SNX15: variants seen among roughly 807,000 people sequenced by gnomAD.
The protein encoded by SNX15 is sorting nexin 15.
A neutral mutation model predicts 35.2 loss-of-function variants in SNX15; 29 were observed. The observed-to-expected ratio is 0.82, with a 90% CI of 0.61 to 1.12. The LOEUF (loss-of-function observed/expected upper bound fraction) is 1.12, where lower values mean the gene tolerates loss of function less well. Ranked by LOEUF, SNX15 falls within the 50% of genes most tolerant of loss-of-function variation. The pLI, the probability that SNX15 is intolerant of heterozygous loss-of-function variation, is 0.00. For missense variants in SNX15, 400 were observed against 451.5 expected, an observed-to-expected ratio of 0.89 and a Z score of 1.03; for synonymous variants, 189 against 188.2, an observed-to-expected ratio of 1.00 and a Z score of -0.03.
intron 6 of SNX15, chr11:65,037,744 G>C (rs149582074): frequency 6.6e-6 from 1 of 152,320 alleles, no homozygotes; most frequent in Non-Finnish European, 1.5e-5. Context: ...CGAGTGTGCA[G>C]GTGTCCCAGG....
At chr11:65,036,075 C>T (rs1178535972) in intron 6 of SNX15, 2 of 161,172 alleles carry the variant, frequency 1.2e-5, no homozygotes, top group African/African-American at 4.8e-5. Context: ...GGAGTGAGTT[C>T]TCAGCTCAAA....
rs554337747 is a variant in SNX15, at chr11:65,036,141, T to G, written c.664+478T>G. 36 of 153,778 alleles carry G rather than the reference T, an allele frequency of 2.3e-4. No homozygotes were observed. In the South Asian group the frequency reaches 7.4e-3, roughly 32 times the overall value. The allele number at this position is 153,778 out of a possible 1,614,324, so 9.5% of individuals were successfully genotyped here. The stretch of plus-strand genomic sequence containing the variant: ...GCCTGGAGCCACTGGCATTTGGGGA[T>G]GCTGGAGGTAGAAGGGCCCCCCCAA... On this transcript the variant is annotated intron_variant, in intron 6 of 7. Coordinates refer to ENST00000377244, the MANE Select transcript of SNX15 (RefSeq NM_013306.5).
intron 7 of SNX15, among the ~76,000 whole-genome samples, chr11:65,039,250 G>C (rs1352598772): frequency 6.7e-6 from 1 of 150,246 alleles, no homozygotes; most frequent in Admixed American, 6.6e-5. Context: ...TTGAGACAGA[G>C]TCTCGCTCTG....
In SNX15 at chr11:65,035,609, C is replaced by T. The variant is rs201383470; in HGVS notation, c.610C>T (p.Arg204Ter). The T allele has an allele frequency of 3.7e-6, 6 of 1,613,928 alleles. No individual in the cohort carries two copies. In the East Asian group the frequency reaches 6.7e-5, roughly 18 times the overall value. Residue 204 changes from arginine to a stop codon, truncating the protein, a stop_gained, in exon 6 of 8, where the codon CGA becomes TGA. Transcript: ENST00000377244. LOFTEE classifies it high-confidence loss of function. ...STEEASGSPA[R>*]GPLTEAELAL... ...CGAGGAGGCATCTGGTTCCCCTGCCCGAGGCCCCCTCACCGAGGCTGAGCT... is the reference window on the plus strand; with the variant it reads ...CGAGGAGGCATCTGGTTCCCCTGCCTGAGGCCCCCTCACCGAGGCTGAGCT...
chr11:65,039,689 AC>A lies in SNX15; in HGVS notation c.929del (p.Pro310ArgfsTer9). 6.2e-7 allele frequency: 1 copy of A among 1,611,688 alleles called. No individual in the cohort carries two copies. Among genetic ancestry groups the A allele is most frequent in the Non-Finnish European group, 8.5e-7 (1 of 1,178,652 alleles). ...GCTGAGCATTCTCTCTCCACAGGTG[AC>A]CCGTTGCCTGCCCGCCAGGAAGGTG... ...VHVLLQGVPS[D>X]PLPARQEGVK... On this transcript the variant is annotated frameshift_variant, in exon 8 of 8. Coordinates refer to ENST00000377244, the MANE Select transcript of SNX15 (RefSeq NM_013306.5). LOFTEE classifies it high-confidence loss of function.
At chr11:65,035,302 G>A (rs1263890045) in intron 5 of SNX15, 96 bp downstream of exon 5, 3 of 1,323,510 alleles carry the variant, frequency 2.3e-6, no homozygotes, top group Non-Finnish European at 2.1e-6. Context: ...AGAAATGTGT[G>A]TGTGTCCCAG....
At chr11:65,030,366 T>C (rs1025391112) in intron 1 of SNX15, among the ~76,000 whole-genome samples, 2 of 151,190 alleles carry the variant, frequency 1.3e-5, no homozygotes, top group African/African-American at 2.5e-5. Context: ...AAAAAAATTT[T>C]TTTTTTTGTA....
intron 1 of SNX15, among the ~76,000 whole-genome samples, chr11:65,029,525 A>G (rs1946417050): frequency 1.3e-5 from 2 of 148,652 alleles, no homozygotes; most frequent in African/African-American, 4.9e-5. Flanking sequence ...ATATAATACA[A>G]TGTATTATAT....
At chr11:65,037,508 G>A (rs1488729995) in intron 6 of SNX15, 2 of 152,242 alleles carry the variant, frequency 1.3e-5, no homozygotes, top group Non-Finnish European at 2.9e-5. Context: ...ATGAGTGACT[G>A]TGTCCAGCCA....
chr11:65,031,394 C>T (rs1397853293), intron 1 of SNX15, among the ~76,000 whole-genome samples: 3 of 152,232 alleles, frequency 2.0e-5, no homozygotes, highest in East Asian at 1.9e-4. Flanking sequence ...ATGAACATAA[C>T]GATGAAAACT....
chr11:65,034,088 G>T (rs910169524), intron 3 of SNX15, among the ~76,000 whole-genome samples: 1 of 152,136 alleles, frequency 6.6e-6, no homozygotes, highest in Non-Finnish European at 1.5e-5. Flanking sequence ...CAGACTGGCC[G>T]CACAGTAACT....
Position 65,035,319 on chromosome 11 carries a change from C to G in SNX15, c.520+113C>G, listed in dbSNP as rs551197497. 9 of 1,280,966 alleles carry G rather than the reference C, an allele frequency of 7.0e-6. No individual in the cohort carries two copies. In the African/African-American group the frequency reaches 1.3e-4, roughly 19 times the overall value. 79.3% of individuals were successfully genotyped at this position (1,280,966 alleles called of 1,614,324 possible). A position where few individuals can be genotyped will look rare whatever the true frequency, so the allele number is the denominator to read the frequency against. On this transcript the variant is annotated intron_variant, in intron 5 of 7. Transcript: ENST00000377244. ...AAATGTGTGTGTGTCCCAGGTCTAT[C>G]ACTTAACTGGCTGAGGAACTTTGGG...
intron 3 of SNX15, among the ~76,000 whole-genome samples, chr11:65,032,978 G>A (rs1202755981): frequency 1.3e-5 from 2 of 152,098 alleles, no homozygotes; most frequent in African/African-American, 4.8e-5. Flanking sequence ...CAGGTTCAAG[G>A]GATTCTCTTG....
In SNX15 at chr11:65,032,494, C is replaced by G. The variant is rs1428488938; in HGVS notation, c.199C>G (p.Arg67Gly). The G allele has an allele frequency of 1.2e-6, 2 of 1,614,196 alleles. No homozygotes were observed. Among genetic ancestry groups the G allele is most frequent in the East Asian group, 4.5e-5 (2 of 44,884 alleles). Residue 67 changes from arginine to glycine, a missense_variant, in exon 3 of 8, where the codon CGC becomes GGC. Transcript: ENST00000377244. ...KLHGDLAYTH[R>G]NLFRRLEEFP... ...GCATGGAGACCTGGCCTACACCCACCGCAACCTCTTCCGCCGCCTCGAGGA... is the reference window on the plus strand; with the variant it reads ...GCATGGAGACCTGGCCTACACCCACGGCAACCTCTTCCGCCGCCTCGAGGA...
chr11:65,035,315 C>A, intron 5 of SNX15, 109 bp downstream of exon 5: 1 of 1,286,934 alleles, frequency 7.8e-7, no homozygotes, highest in South Asian at 1.5e-5. Flanking sequence ...TGTCCCAGGT[C>A]TATCACTTAA....
intron 1 of SNX15, among the ~76,000 whole-genome samples, chr11:65,031,576 T>G (rs584698): frequency 0.12 from 18,653 of 152,160 alleles, 1,520 homozygotes; most frequent in South Asian, 0.23. Flanking sequence ...GTTTCAGAAG[T>G]AGATGGAGGG....
intron 1 of SNX15, among the ~76,000 whole-genome samples, chr11:65,027,978 G>GGT (rs1946394075): frequency 1.3e-5 from 2 of 152,142 alleles, no homozygotes; most frequent in South Asian, 4.1e-4. Flanking sequence ...CTCCATTCTC[G>GGT]TAGAGTAAGT....
chr11:65,037,127 C>T (rs367857629), intron 6 of SNX15: 72 of 152,348 alleles, frequency 4.7e-4, no homozygotes, highest in Admixed American at 2.5e-3. Flanking sequence ...GTGCTCTGTC[C>T]TTGTGCCAGC....
At position 65,039,029 on chromosome 11, in the gene SNX15, CTT is replaced by C. The variant is rs747153458; in HGVS notation, c.922+218_922+219del. ...TTGTGGCCTCAGTTTTCTTCTTCCT[CTT>C]TTTTTTTTTTTTTTTTTGAGACAGA... On this transcript the variant is annotated intron_variant, in intron 7 of 7. Transcript: ENST00000377244. 2.1e-4 allele frequency among the ~76,000 whole-genome samples: 15 copies of C among 72,502 alleles called. 1 individual carries two copies. Among genetic ancestry groups the C allele is most frequent in the Admixed American group, 3.3e-4 (2 of 6,002 alleles). The allele number at this position is 72,502 out of a possible 152,430, so 47.6% of individuals were successfully genotyped here.
Sources: allele counts gnomAD v4.1 joint callset (sites outside exome capture counted in the v4.1 genomes callset), GRCh38; gene constraint gnomAD v4.1.1; transcripts MANE v1.5; gene names NCBI Gene and HGNC (gene_info 2026-07-23, HGNC 2026-07-21).